Variants in RNLS observed in about 807,000 individuals in gnomAD.
RNLS encodes the protein renalase.
RNLS carries 39 observed loss-of-function variants against 39.8 expected under a neutral mutation model. That is an observed-to-expected ratio of 0.98 (90% CI 0.76 to 1.28). The LOEUF is 1.28. RNLS is among the 50% of genes most tolerant of loss of function. The pLI, the probability that RNLS is intolerant of heterozygous loss-of-function variation, is 0.00. For synonymous variants in RNLS, 147 were observed against 150.7 expected, an observed-to-expected ratio of 0.98 and a Z score of 0.18; for missense variants, 410 against 413.3, an observed-to-expected ratio of 0.99 and a Z score of 0.07.
At chr10:88,229,303 G>A in the RNLS span, among the ~76,000 whole-genome samples, 2 of 151,414 alleles carry the variant, frequency 1.3e-5, no homozygotes, top group African/African-American at 2.4e-5. Context: ...GCCTCGATGT[G>A]TGTATCAGTT....
intron 3 of RNLS, among the ~76,000 whole-genome samples, chr10:88,576,543 C>G (rs1850224432): frequency 6.6e-6 from 1 of 152,156 alleles, no homozygotes; most frequent in African/African-American, 2.4e-5. Flanking sequence ...TGAACCATCT[C>G]TAACTGACTA....
chr10:88,475,820 C>A (rs1843791433), intron 4 of RNLS, among the ~76,000 whole-genome samples: 1 of 151,786 alleles, frequency 6.6e-6, no homozygotes, highest in African/African-American at 2.4e-5. Context: ...ACATTGATTA[C>A]AATGGTAATA....
At chr10:88,575,082 G>A (rs1029258543) in intron 3 of RNLS, among the ~76,000 whole-genome samples, 1 of 142,706 alleles carries the variant, frequency 7.0e-6, no homozygotes, top group Non-Finnish European at 1.5e-5. Context: ...CCAGATGAAC[G>A]CCTTGAAAAT....
chr10:88,238,847 C>T, the RNLS span, among the ~76,000 whole-genome samples: 1 of 152,144 alleles, frequency 6.6e-6, no homozygotes, highest in Non-Finnish European at 1.5e-5. Context: ...TCTTTAACTG[C>T]CTTGGGATTT....
In RNLS at chr10:88,284,359, C is replaced by T; in HGVS notation, c.*995G>A. ...TGCTGAAATAGAACTCATCATTTTG[C>T]TTTTCAAATTAGCAACAGGTAGCTG... On this transcript the variant is annotated 3_prime_UTR_variant, in exon 7 of 7. Coordinates refer to ENST00000331772, the MANE Select transcript of RNLS (RefSeq NM_001031709.3). 1.0e-6 allele frequency: 1 copy of T among 985,344 alleles called. No individual in the cohort carries two copies. The highest frequency in any genetic ancestry group is 4.7e-5 in the South Asian group (1 of 21,282). 61.0% of individuals were successfully genotyped at this position (985,344 alleles called of 1,614,324 possible).
chr10:88,410,229 CAT>C (rs1263872185), intron 4 of RNLS, among the ~76,000 whole-genome samples: 10 of 152,128 alleles, frequency 6.6e-5, no homozygotes, highest in African/African-American at 2.2e-4. Flanking sequence ...TAAAAATATT[CAT>C]AGTTTTATTA....
chr10:88,574,378 G>T (rs1462334884), intron 3 of RNLS, among the ~76,000 whole-genome samples: 6 of 152,146 alleles, frequency 3.9e-5, no homozygotes, highest in Admixed American at 2.6e-4. Flanking sequence ...TAAAAATCCA[G>T]CTAAAGTTCA....
At chr10:88,208,107 CTA>C in the RNLS span, among the ~76,000 whole-genome samples, 1 of 152,122 alleles carries the variant, frequency 6.6e-6, no homozygotes, top group Non-Finnish European at 1.5e-5. Context: ...TTCTGTCTCT[CTA>C]TAGGCGAATT....
chr10:88,464,696 A>G (rs1302107613), intron 4 of RNLS, among the ~76,000 whole-genome samples: 9 of 152,072 alleles, frequency 5.9e-5, no homozygotes, highest in Non-Finnish European at 1.3e-4. Flanking sequence ...AACGGCTTAC[A>G]TTAACAATAC....
At chr10:88,532,200 C>T (rs1589967292) in intron 4 of RNLS, among the ~76,000 whole-genome samples, 2 of 152,044 alleles carry the variant, frequency 1.3e-5, no homozygotes, top group South Asian at 2.1e-4. Flanking sequence ...TTACATTTTA[C>T]ATACATATAA....
intron 6 of RNLS, among the ~76,000 whole-genome samples, chr10:88,299,616 C>G (rs1390403694): frequency 6.6e-6 from 1 of 152,126 alleles, no homozygotes; most frequent in Non-Finnish European, 1.5e-5. Flanking sequence ...TAGAGCAAGA[C>G]TCCATTTCAA....
chr10:88,515,519 C>A (rs999862999), intron 4 of RNLS, among the ~76,000 whole-genome samples: 3 of 152,162 alleles, frequency 2.0e-5, no homozygotes, highest in Admixed American at 2.0e-4. Context: ...AAAGGCTTTC[C>A]TTAACTCCTC....
chr10:88,512,565 T>C (rs1846188911), intron 4 of RNLS, among the ~76,000 whole-genome samples: 1 of 152,170 alleles, frequency 6.6e-6, no homozygotes, highest in African/African-American at 2.4e-5. Flanking sequence ...AAGTAATTTT[T>C]AAAAGCTTTA....
At chr10:88,187,526 T>C in the RNLS span, among the ~76,000 whole-genome samples, 1 of 152,168 alleles carries the variant, frequency 6.6e-6, no homozygotes, top group Non-Finnish European at 1.5e-5. Flanking sequence ...TGAAAACTGA[T>C]GTGCTACCTT....
chr10:88,172,583 T>C, the RNLS span, among the ~76,000 whole-genome samples: 4 of 152,292 alleles, frequency 2.6e-5, no homozygotes, highest in African/African-American at 7.2e-5. Flanking sequence ...TAGTCCCTTG[T>C]TGGATAAATA....
intron 4 of RNLS, among the ~76,000 whole-genome samples, chr10:88,382,197 C>T (rs1366083048): frequency 6.6e-6 from 1 of 152,006 alleles, no homozygotes; most frequent in Non-Finnish European, 1.5e-5. Context: ...CATTTCATAC[C>T]TATCATCTCA....
intron 4 of RNLS, among the ~76,000 whole-genome samples, chr10:88,450,234 G>T (rs1479829994): frequency 6.6e-6 from 1 of 152,120 alleles, no homozygotes; most frequent in Non-Finnish European, 1.5e-5. Context: ...CATGAGCATG[G>T]GCTGCCTGCT....
intron 4 of RNLS, among the ~76,000 whole-genome samples, chr10:88,478,426 C>T (rs948772757): frequency 6.6e-6 from 1 of 152,146 alleles, no homozygotes; most frequent in Non-Finnish European, 1.5e-5. Flanking sequence ...TAATTTTAAC[C>T]AGATGGCTGG....
In RNLS at chr10:88,330,092, A is replaced by ATATAT. The variant is rs750773423; in HGVS notation, c.701-15452_701-15451insATATA. On this transcript the variant is annotated intron_variant, in intron 5 of 6. Transcript: ENST00000331772. ...TGAGATATATATATATATATATATA[A>ATATAT]ATATAAATATATATACACACACTAT... 2.3e-3 allele frequency among the ~76,000 whole-genome samples: 318 copies of ATATAT among 138,204 alleles called. 3 individuals are homozygous for ATATAT. The highest frequency in any genetic ancestry group is 4.1e-3 in the Non-Finnish European group (261 of 63,892). 90.7% of individuals were successfully genotyped at this position (138,204 alleles called of 152,430 possible).
Sources: gnomAD v4.1 joint callset for allele counts (sites outside exome capture counted in the v4.1 genomes callset) on GRCh38, gnomAD v4.1.1 for gene constraint, MANE v1.5 for transcripts, NCBI Gene and HGNC (gene_info 2026-07-23, HGNC 2026-07-21) for gene names.